The following CADM2 variants were observed in gnomAD, a reference collection of about 807,000 sequenced individuals.
The protein encoded by CADM2 is immunoglobulin superfamily member 4D.
A neutral mutation model predicts 49.8 loss-of-function variants in CADM2; 12 were observed. The observed-to-expected ratio is 0.24, with a 90% confidence interval of 0.15 to 0.39. CADM2 has a LOEUF of 0.39. CADM2 is among the 10% of genes least tolerant of loss of function. The probability of loss-of-function intolerance (pLI) is 1.00; values close to 1 mark genes in which losing one functional copy is unlikely to be tolerated. For missense variants in CADM2, 378 were observed against 492.3 expected (o/e 0.77, Z 2.20); for synonymous variants, 214 against 175.4 (o/e 1.22, Z -1.74).
intron 1 of CADM2, among the ~76,000 whole-genome samples, chr3:85,528,917 T>C (rs181394066): frequency 3.3e-5 from 5 of 152,320 alleles, no homozygotes; most frequent in Non-Finnish European, 4.4e-5. Context: ...TTCCAAACAT[T>C]TCTCTTTTTG....
intron 3 of CADM2, among the ~76,000 whole-genome samples, chr3:85,874,892 T>A (rs1171279766): frequency 6.6e-6 from 1 of 152,158 alleles, no homozygotes; most frequent in Non-Finnish European, 1.5e-5. Context: ...GATGACTATC[T>A]GTTAACAGTC....
At chr3:85,744,940 T>C (rs1265149765) in intron 2 of CADM2, among the ~76,000 whole-genome samples, 1 of 152,110 alleles carries the variant, frequency 6.6e-6, no homozygotes, top group Non-Finnish European at 1.5e-5. Context: ...GAAATTATGG[T>C]TGCTTTGTTG....
chr3:85,242,991 C>T (rs1252089784), intron 1 of CADM2, among the ~76,000 whole-genome samples: 1 of 151,528 alleles, frequency 6.6e-6, no homozygotes, highest in Non-Finnish European at 1.5e-5. Flanking sequence ...GTTGTATTGA[C>T]TTCAATAAAA....
chr3:85,461,084 G>A (rs1480482446), intron 1 of CADM2, among the ~76,000 whole-genome samples: 1 of 151,992 alleles, frequency 6.6e-6, no homozygotes, highest in Non-Finnish European at 1.5e-5. Context: ...AAAATTCAGT[G>A]GAAGGTACAG....
chr3:85,426,139 T>A (rs1457121111), intron 1 of CADM2, among the ~76,000 whole-genome samples: 1 of 151,970 alleles, frequency 6.6e-6, no homozygotes. Context: ...ATCTTTTTTT[T>A]TTTCTTTTTT....
chr3:85,533,141 C>T (rs1389510375), intron 1 of CADM2, among the ~76,000 whole-genome samples: 1 of 152,130 alleles, frequency 6.6e-6, no homozygotes, highest in Admixed American at 6.6e-5. Flanking sequence ...TACATCTATC[C>T]CTAAACTTAA....
intron 8 of CADM2, among the ~76,000 whole-genome samples, chr3:86,052,021 G>A (rs576600887): frequency 1.1e-4 from 17 of 152,146 alleles, no homozygotes; most frequent in African/African-American, 3.4e-4. Flanking sequence ...AAGACAGTTC[G>A]AACCCTTGGT....
At chr3:86,044,562 C>A (rs1736397142) in intron 8 of CADM2, among the ~76,000 whole-genome samples, 1 of 152,148 alleles carries the variant, frequency 6.6e-6, no homozygotes, top group South Asian at 2.1e-4. Flanking sequence ...CAGGAAACAA[C>A]AGGTGCTAGA....
At chr3:85,256,632 C>A (rs1433793710) in intron 1 of CADM2, among the ~76,000 whole-genome samples, 2 of 152,082 alleles carry the variant, frequency 1.3e-5, no homozygotes, top group Non-Finnish European at 2.9e-5. Flanking sequence ...GAAATCTCAT[C>A]ATTTACAAGT....
At chr3:85,913,133 G>C (rs953985842) in intron 6 of CADM2, among the ~76,000 whole-genome samples, 2 of 152,096 alleles carry the variant, frequency 1.3e-5, no homozygotes, top group Non-Finnish European at 2.9e-5. Flanking sequence ...TTTACGAATA[G>C]TAGCCTGATG....
intron 1 of CADM2, among the ~76,000 whole-genome samples, chr3:85,609,050 C>T (rs1039381484): frequency 6.6e-6 from 1 of 151,764 alleles, no homozygotes; most frequent in Non-Finnish European, 1.5e-5. Context: ...CTCTGTTCTC[C>T]AGGTTTCCTC....
intron 1 of CADM2, among the ~76,000 whole-genome samples, chr3:85,662,020 T>C (rs1422048101): frequency 6.6e-6 from 1 of 152,060 alleles, no homozygotes; most frequent in East Asian, 1.9e-4. Context: ...AAAGATTTAA[T>C]ATATTTGTGT....
chr3:85,540,163 A>G (rs1489938649), intron 1 of CADM2, among the ~76,000 whole-genome samples: 1 of 152,140 alleles, frequency 6.6e-6, no homozygotes. Flanking sequence ...GAAATCTTGT[A>G]GGATTATATT....
chr3:85,717,459 T>G (rs1340822521), intron 1 of CADM2, among the ~76,000 whole-genome samples: 15 of 152,300 alleles, frequency 9.8e-5, no homozygotes. Context: ...TGACTTCCTC[T>G]CTTCCTATTT....
intron 1 of CADM2, among the ~76,000 whole-genome samples, chr3:85,346,114 A>G (rs2030614090): frequency 6.6e-6 from 1 of 152,192 alleles, no homozygotes; most frequent in South Asian, 2.1e-4. Flanking sequence ...AACATCAGTC[A>G]TAGAGAAGAT....
chr3:85,828,523 G>C (rs1475016367), intron 3 of CADM2, among the ~76,000 whole-genome samples: 1 of 151,808 alleles, frequency 6.6e-6, no homozygotes, highest in South Asian at 2.1e-4. Flanking sequence ...ATCTACCACA[G>C]TTAGCACATC....
At chr3:85,527,894 A>C (rs565200339) in intron 1 of CADM2, among the ~76,000 whole-genome samples, 2 of 152,312 alleles carry the variant, frequency 1.3e-5, no homozygotes, top group South Asian at 4.1e-4. Context: ...ATGCTCTTTT[A>C]GTATGACCTT....
At chr3:85,047,101 A>G (rs563989026) in intron 1 of CADM2, among the ~76,000 whole-genome samples, 1 of 152,314 alleles carries the variant, frequency 6.6e-6, no homozygotes, top group South Asian at 2.1e-4. Context: ...AAGATATTCC[A>G]TAAGTTAACT....
At chr3:85,631,858 A>G (rs2064318524) in intron 1 of CADM2, among the ~76,000 whole-genome samples, 1 of 152,176 alleles carries the variant, frequency 6.6e-6, no homozygotes, top group African/African-American at 2.4e-5. Context: ...TTTAAATCTC[A>G]ACAGATGATA....
Sources: allele counts gnomAD v4.1 joint callset (sites outside exome capture counted in the v4.1 genomes callset), GRCh38; gene constraint gnomAD v4.1.1; transcripts MANE v1.5; gene names NCBI Gene and HGNC (gene_info 2026-07-23, HGNC 2026-07-21).